Variants in CPA6 observed in about 807,000 individuals in gnomAD.
CPA6 encodes carboxypeptidase A6.
In CPA6, 58 loss-of-function variants were observed where a neutral mutation model predicts 63.3. The observed-to-expected ratio is 0.92, with a 90% CI of 0.74 to 1.14. CPA6 has a LOEUF of 1.14. Among genes scored for constraint, CPA6 ranks in the 50% most tolerant of loss-of-function variants. CPA6 has a pLI of 0.00. For missense variants in CPA6, 565 were observed against 526.6 expected, an observed-to-expected ratio of 1.07 and a Z score of -0.71; for synonymous variants, 185 against 179.0, an observed-to-expected ratio of 1.03 and a Z score of -0.27.
At chr8:67,610,592 C>T (rs1465425675) in intron 2 of CPA6, among the ~76,000 whole-genome samples, 1 of 152,096 alleles carries the variant, frequency 6.6e-6, no homozygotes, top group African/African-American at 2.4e-5. Context: ...CTGGAGGTGA[C>T]AGGAGAGATG....
intron 1 of CPA6, among the ~76,000 whole-genome samples, chr8:67,720,936 A>G (rs2129001708): frequency 1.3e-5 from 2 of 152,322 alleles, no homozygotes; most frequent in Middle Eastern, 3.4e-3. Flanking sequence ...CAACTGCACA[A>G]TTAGGAGGCA....
chr8:67,668,336 C>T (rs144868746), intron 1 of CPA6, among the ~76,000 whole-genome samples: 3 of 152,304 alleles, frequency 2.0e-5, no homozygotes, highest in African/African-American at 7.2e-5. Context: ...TATATTCGCA[C>T]TCAATAAAAG....
intron 8 of CPA6, among the ~76,000 whole-genome samples, chr8:67,467,339 C>A (rs1233415451): frequency 1.3e-5 from 2 of 152,248 alleles, no homozygotes; most frequent in Admixed American, 1.3e-4. Context: ...TTTTATAATA[C>A]TCCAGATCTA....
intron 2 of CPA6, among the ~76,000 whole-genome samples, chr8:67,556,436 C>T (rs557819304): frequency 4.6e-5 from 7 of 152,216 alleles, no homozygotes; most frequent in South Asian, 2.1e-4. Flanking sequence ...TGAAGGTGAA[C>T]GAGGGGAGAC....
chr8:67,516,462 A>G (rs1396548602), intron 3 of CPA6, among the ~76,000 whole-genome samples: 1 of 152,074 alleles, frequency 6.6e-6, no homozygotes, highest in Non-Finnish European at 1.5e-5. Flanking sequence ...TTCCCCCTAC[A>G]CAAACAAATC....
chr8:67,606,123 A>C (rs1355588136), intron 2 of CPA6, among the ~76,000 whole-genome samples: 1 of 144,334 alleles, frequency 6.9e-6, no homozygotes, highest in Non-Finnish European at 1.5e-5. Context: ...ATAGGTGGGA[A>C]TTGAACAATG....
At chr8:67,731,791 A>T (rs1007797538) in intron 1 of CPA6, among the ~76,000 whole-genome samples, 6 of 152,228 alleles carry the variant, frequency 3.9e-5, no homozygotes, top group Admixed American at 2.6e-4. Flanking sequence ...TTAAAGGAAG[A>T]ATACGACCAA....
intron 1 of CPA6, among the ~76,000 whole-genome samples, chr8:67,626,640 T>C (rs899986420): frequency 6.6e-6 from 1 of 152,232 alleles, no homozygotes; most frequent in Non-Finnish European, 1.5e-5. Context: ...TTTTCTGATA[T>C]ACATTTCTCT....
At chr8:67,425,469 G>A (rs1809862488) in intron 10 of CPA6, among the ~76,000 whole-genome samples, 1 of 152,080 alleles carries the variant, frequency 6.6e-6, no homozygotes, top group Admixed American at 6.6e-5. Flanking sequence ...CTGTCCCCCT[G>A]GTTCAAGAGA....
intron 2 of CPA6, among the ~76,000 whole-genome samples, chr8:67,535,450 A>C (rs1812564963): frequency 6.6e-6 from 1 of 152,182 alleles, no homozygotes; most frequent in Non-Finnish European, 1.5e-5. Flanking sequence ...CATTTCTCTG[A>C]TGACCAGTGA....
At chr8:67,682,835 A>G (rs960392632) in intron 1 of CPA6, among the ~76,000 whole-genome samples, 4 of 151,852 alleles carry the variant, frequency 2.6e-5, no homozygotes, top group African/African-American at 9.7e-5. Flanking sequence ...AACATAAACT[A>G]CTCCTTCCCT....
intron 1 of CPA6, among the ~76,000 whole-genome samples, chr8:67,647,506 G>A (rs1196460665): frequency 6.6e-6 from 1 of 152,024 alleles, no homozygotes; most frequent in Non-Finnish European, 1.5e-5. Context: ...ATGTTAATTT[G>A]AGGTGTTGCA....
At chr8:67,576,962 C>G (rs1490336315) in intron 2 of CPA6, among the ~76,000 whole-genome samples, 4 of 151,594 alleles carry the variant, frequency 2.6e-5, no homozygotes, top group African/African-American at 9.7e-5. Flanking sequence ...CTCCGGGGTT[C>G]AAGCGATTCT....
chr8:67,487,105 G>A (rs1023438427), intron 6 of CPA6, among the ~76,000 whole-genome samples: 8 of 152,064 alleles, frequency 5.3e-5, no homozygotes, highest in African/African-American at 1.9e-4. Context: ...GGCACAACGT[G>A]CAGGTTTGTT....
chr8:67,679,017 ATG>A (rs1417054226), intron 1 of CPA6, among the ~76,000 whole-genome samples: 2 of 152,220 alleles, frequency 1.3e-5, no homozygotes, highest in Non-Finnish European at 2.9e-5. Context: ...AAATTAAGGT[ATG>A]GTGTTAAAAG....
At chr8:67,673,394 T>A (rs1277849612) in intron 1 of CPA6, among the ~76,000 whole-genome samples, 3 of 143,584 alleles carry the variant, frequency 2.1e-5, no homozygotes, top group East Asian at 2.0e-4. Context: ...ATTTATTTTT[T>A]TTTTTTTGAG....
In CPA6 at chr8:67,518,001, G is replaced by T. The variant is rs61738010; in HGVS notation, c.239C>A (p.Thr80Lys). The change falls in exon 3 of 11, where the codon ACA (threonine) becomes AAA (lysine). Residue 80 changes from threonine to lysine, a missense_variant. Coordinates refer to ENST00000297770, the MANE Select transcript of CPA6 (RefSeq NM_020361.5). ...TTGGGGGATATGGACATCAGTAACT[G>T]TTCCCTCTGATACATAGGAGATACT... ...PSSISYVSEGTVTDVHIPQNG... is the reference protein window; with the variant it reads ...PSSISYVSEGKVTDVHIPQNG... 1 of 1,612,818 alleles carries T rather than the reference G, an allele frequency of 6.2e-7. No individual in the cohort carries two copies. The highest frequency in any genetic ancestry group is 1.3e-5 in the African/African-American group (1 of 74,874).
chr8:67,713,908 A>G (rs2129000719), intron 1 of CPA6, among the ~76,000 whole-genome samples: 1 of 152,318 alleles, frequency 6.6e-6, no homozygotes, highest in East Asian at 1.9e-4. Flanking sequence ...TTTCTTTCTT[A>G]GCACAGGGAC....
chr8:67,605,024 T>C (rs1213627536), intron 2 of CPA6, among the ~76,000 whole-genome samples: 1 of 151,726 alleles, frequency 6.6e-6, no homozygotes, highest in Non-Finnish European at 1.5e-5. Flanking sequence ...GTGATCCACA[T>C]GCCTTGGCCT....
Sources: allele counts gnomAD v4.1 joint callset (sites outside exome capture counted in the v4.1 genomes callset), GRCh38; gene constraint gnomAD v4.1.1; transcripts MANE v1.5; gene names NCBI Gene and HGNC (gene_info 2026-07-23, HGNC 2026-07-21).